The following NDUFS4 variants were observed in gnomAD, a reference collection of about 807,000 sequenced individuals.
NDUFS4 encodes the protein NADH dehydrogenase [ubiquinone] iron-sulfur protein 4, mitochondrial.
NDUFS4 carries 28 observed loss-of-function variants against 24.3 expected under a neutral mutation model. The observed-to-expected ratio is 1.15, with a 90% CI of 0.85 to 1.58. NDUFS4 has a LOEUF of 1.58. NDUFS4 is among the 40% of genes most tolerant of loss of function. NDUFS4 has a pLI of 0.00. For synonymous variants in NDUFS4, 93 were observed against 69.7 expected (o/e 1.34, Z -1.67); for missense variants, 223 against 207.9 (o/e 1.07, Z -0.45).
chr5:53,620,843 A>T (rs1278547343), intron 2 of NDUFS4, among the ~76,000 whole-genome samples: 17 of 152,044 alleles, frequency 1.1e-4, no homozygotes, highest in Admixed American at 1.1e-3. Flanking sequence ...ATTTCTTGAG[A>T]CTTTTTTATC....
intron 2 of NDUFS4, among the ~76,000 whole-genome samples, chr5:53,620,926 G>A (rs1751014894): frequency 6.6e-6 from 1 of 152,122 alleles, no homozygotes; most frequent in South Asian, 2.1e-4. Flanking sequence ...CAGTTTTTGG[G>A]TTGGGTGTTC....
intron 2 of NDUFS4, among the ~76,000 whole-genome samples, chr5:53,637,016 A>G (rs1449296197): frequency 6.6e-6 from 1 of 152,212 alleles, no homozygotes; most frequent in African/African-American, 2.4e-5. Context: ...CAATGTGAGA[A>G]CAGGCTAATA....
chr5:53,627,689 T>TA (rs1751272744), intron 2 of NDUFS4, among the ~76,000 whole-genome samples: 1 of 152,190 alleles, frequency 6.6e-6, no homozygotes, highest in Non-Finnish European at 1.5e-5. Context: ...GTTTGTCTGT[T>TA]ATTGGTGTAT....
At chr5:53,658,167 G>A (rs934641010) in intron 3 of NDUFS4, among the ~76,000 whole-genome samples, 1 of 152,042 alleles carries the variant, frequency 6.6e-6, no homozygotes, top group African/African-American at 2.4e-5. Context: ...AATGTGTATT[G>A]TTGCATTTTC....
In NDUFS4 at chr5:53,604,711, C is replaced by T. The variant is rs1226859523; in HGVS notation, c.177+1181C>T. 5 of 455,316 alleles carry T rather than the reference C, an allele frequency of 1.1e-5. No individual in the cohort carries two copies. The East Asian group carries it at 3.5e-4, about 32-fold the overall frequency. The allele number at this position is 455,316 out of a possible 1,614,324, so 28.2% of individuals were successfully genotyped here. A position where few individuals can be genotyped will look rare whatever the true frequency, so the allele number is the denominator to read the frequency against. Reference sequence around the variant, plus strand: ...GACGTCTTGCCTGATTTAGCTCCTGCCTTCCTCTCTAGGTTTATCTTGTAC... The same window carrying T: ...GACGTCTTGCCTGATTTAGCTCCTGTCTTCCTCTCTAGGTTTATCTTGTAC... On this transcript the variant is annotated intron_variant, in intron 2 of 4. Transcript: ENST00000296684.
chr5:53,582,303 A>G (rs891781339), intron 1 of NDUFS4, among the ~76,000 whole-genome samples: 1 of 152,322 alleles, frequency 6.6e-6, no homozygotes, highest in Admixed American at 6.5e-5. Context: ...AATAAAAACA[A>G]GTAAGATACT....
At chr5:53,574,843 G>T (rs1561335927) in intron 1 of NDUFS4, among the ~76,000 whole-genome samples, 1 of 151,970 alleles carries the variant, frequency 6.6e-6, no homozygotes, top group East Asian at 1.9e-4. Flanking sequence ...TGTCCATCCA[G>T]AAAATTGTGG....
At chr5:53,631,571 G>T (rs1011421339) in intron 2 of NDUFS4, among the ~76,000 whole-genome samples, 1 of 152,176 alleles carries the variant, frequency 6.6e-6, no homozygotes, top group African/African-American at 2.4e-5. Flanking sequence ...CTTTTGTTCG[G>T]TGATGCCCTG....
intron 2 of NDUFS4, among the ~76,000 whole-genome samples, chr5:53,608,192 A>G (rs1025723335): frequency 6.6e-6 from 1 of 152,196 alleles, no homozygotes; most frequent in Non-Finnish European, 1.5e-5. Flanking sequence ...CATTAGCATT[A>G]TGTCTAAAAA....
intron 3 of NDUFS4, among the ~76,000 whole-genome samples, chr5:53,655,865 A>G (rs366313): frequency 0.26 from 39,275 of 152,038 alleles, 6,747 homozygotes; most frequent in African/African-American, 0.48. Flanking sequence ...TGGAAAGCAC[A>G]AGGTGTTTAC....
chr5:53,603,967 C>T (rs1415844235), intron 2 of NDUFS4, among the ~76,000 whole-genome samples: 3 of 152,008 alleles, frequency 2.0e-5, no homozygotes, highest in Non-Finnish European at 4.4e-5. Flanking sequence ...CAAACACATA[C>T]ACACACATTT....
intron 4 of NDUFS4, among the ~76,000 whole-genome samples, chr5:53,675,642 C>T (rs1357798043): frequency 6.6e-6 from 1 of 152,108 alleles, no homozygotes; most frequent in East Asian, 1.9e-4. Flanking sequence ...TGATGAAATA[C>T]CAAAGAGCTG....
At chr5:53,586,847 G>C (rs1749774233) in intron 1 of NDUFS4, among the ~76,000 whole-genome samples, 1 of 151,896 alleles carries the variant, frequency 6.6e-6, no homozygotes. Flanking sequence ...TTTTGAGATG[G>C]AGTTGTACTC....
At chr5:53,663,199 T>G (rs1489757209) in intron 4 of NDUFS4, among the ~76,000 whole-genome samples, 1 of 152,196 alleles carries the variant, frequency 6.6e-6, no homozygotes, top group Admixed American at 6.5e-5. Flanking sequence ...TTTGTTATAA[T>G]TTGTTATAAT....
At chr5:53,668,200 T>A (rs1032228930) in intron 4 of NDUFS4, among the ~76,000 whole-genome samples, 1 of 152,220 alleles carries the variant, frequency 6.6e-6, no homozygotes, top group Admixed American at 6.5e-5. Context: ...AGTTATTTGA[T>A]TTGTATATCA....
chr5:53,663,153 A>G (rs1258250884), intron 4 of NDUFS4, among the ~76,000 whole-genome samples: 5 of 151,972 alleles, frequency 3.3e-5, no homozygotes, highest in Non-Finnish European at 5.9e-5. Context: ...CTTAATCCTG[A>G]GTTCTAGTTT....
intron 2 of NDUFS4, among the ~76,000 whole-genome samples, chr5:53,631,433 T>C (rs1259069155): frequency 6.6e-6 from 1 of 152,192 alleles, no homozygotes; most frequent in African/African-American, 2.4e-5. Flanking sequence ...ACCACTGCTG[T>C]CTTCAGAGCT....
intron 1 of NDUFS4, among the ~76,000 whole-genome samples, chr5:53,583,989 GA>G (rs1243464654): frequency 6.6e-6 from 1 of 152,170 alleles, no homozygotes; most frequent in East Asian, 1.9e-4. Flanking sequence ...GATGATCAAT[GA>G]AAACAGAAGT....
chr5:53,678,829 A>G (rs999968139), intron 4 of NDUFS4, among the ~76,000 whole-genome samples: 5 of 152,174 alleles, frequency 3.3e-5, no homozygotes, highest in African/African-American at 1.2e-4. Context: ...TCTTAAGCAT[A>G]CATGCTTAAT....
Sources: allele counts gnomAD v4.1 joint callset (sites outside exome capture counted in the v4.1 genomes callset), GRCh38; gene constraint gnomAD v4.1.1; transcripts MANE v1.5; gene names NCBI Gene and HGNC (gene_info 2026-07-23, HGNC 2026-07-21).